Variants in CTNNA3 observed in about 807,000 individuals in gnomAD.
CTNNA3 encodes the protein catenin alpha 3.
CTNNA3 carries 76 observed loss-of-function variants against 95.7 expected under a neutral mutation model. That is an observed-to-expected ratio of 0.79 (90% CI 0.66 to 0.96). The LOEUF (loss-of-function observed/expected upper bound fraction) is 0.96. Ranked by LOEUF, CTNNA3 falls within the 40% of genes least tolerant of loss-of-function variation. The probability of loss-of-function intolerance (pLI) is 0.00; values close to 1 mark genes in which losing one functional copy is unlikely to be tolerated. For missense variants in CTNNA3, 1,191 were observed against 1,089.8 expected, an observed-to-expected ratio of 1.09 and a Z score of -1.31; for synonymous variants, 431 against 374.4, an observed-to-expected ratio of 1.15 and a Z score of -1.74.
intron 7 of CTNNA3, among the ~76,000 whole-genome samples, chr10:66,864,590 T>C (rs187653843): frequency 5.3e-5 from 8 of 152,290 alleles, no homozygotes; most frequent in African/African-American, 1.9e-4. Context: ...TTATATTTTG[T>C]AGGCTAACCT....
At chr10:66,051,962 T>C (rs1039506026) in intron 15 of CTNNA3, among the ~76,000 whole-genome samples, 1 of 152,204 alleles carries the variant, frequency 6.6e-6, no homozygotes, top group Non-Finnish European at 1.5e-5. Context: ...GGCCCCACAA[T>C]AATGAAATTG....
intron 5 of CTNNA3, among the ~76,000 whole-genome samples, chr10:67,229,009 TA>T (rs1163223195): frequency 6.6e-6 from 1 of 151,874 alleles, no homozygotes; most frequent in Non-Finnish European, 1.5e-5. Context: ...GGAAAGGACA[TA>T]AACAAAAAAG....
chr10:66,276,812 T>A (rs1002859769), intron 13 of CTNNA3, among the ~76,000 whole-genome samples: 4 of 149,262 alleles, frequency 2.7e-5, no homozygotes, highest in Non-Finnish European at 4.5e-5. Context: ...GCTATCTTCT[T>A]ATTATAGCCT....
intron 11 of CTNNA3, among the ~76,000 whole-genome samples, chr10:66,395,467 G>T (rs2092968389): frequency 6.6e-6 from 1 of 151,912 alleles, no homozygotes; most frequent in African/African-American, 2.4e-5. Flanking sequence ...TTTATCATAT[G>T]TAAATTGCTA....
chr10:67,537,240 G>A (rs1021877626), intron 4 of CTNNA3, among the ~76,000 whole-genome samples: 5 of 152,126 alleles, frequency 3.3e-5, no homozygotes, highest in Non-Finnish European at 5.9e-5. Flanking sequence ...TTTAAAAGCT[G>A]TTTGTAGTTA....
chr10:67,365,291 A>T (rs964452554), intron 5 of CTNNA3, among the ~76,000 whole-genome samples: 21 of 152,304 alleles, frequency 1.4e-4, no homozygotes, highest in African/African-American at 4.8e-4. Context: ...AACCTAGGCA[A>T]TACCATTCAG....
At chr10:66,329,557 A>G (rs1420365763) in intron 12 of CTNNA3, among the ~76,000 whole-genome samples, 3 of 135,382 alleles carry the variant, frequency 2.2e-5, no homozygotes, top group Non-Finnish European at 3.2e-5. Flanking sequence ...TAGAAACCCT[A>G]GGGCTTGAAC....
chr10:67,647,210 G>C (rs1243412254), intron 2 of CTNNA3, among the ~76,000 whole-genome samples: 1 of 147,610 alleles, frequency 6.8e-6, no homozygotes, highest in Non-Finnish European at 1.5e-5. Flanking sequence ...AGAGAATGTG[G>C]GGGAAACTTT....
At chr10:67,016,752 A>G (rs975651950) in intron 7 of CTNNA3, among the ~76,000 whole-genome samples, 2 of 152,162 alleles carry the variant, frequency 1.3e-5, no homozygotes, top group Non-Finnish European at 2.9e-5. Flanking sequence ...AATTTGTATC[A>G]TTGCAGTTGT....
Position 66,516,063 on chromosome 10 carries a change from G to GAAAA in CTNNA3, c.1531+4553_1531+4554insTTTT, listed in dbSNP as rs147730943. Reference sequence around the variant, plus strand: ...CTATTCAAACTATGATTAATTATCTGGAAAAAAAAAAAAAAAAGGTAACCC... The same window carrying GAAAA: ...CTATTCAAACTATGATTAATTATCTGAAAAGAAAAAAAAAAAAAAAAGGTAACCC... On this transcript the variant is annotated intron_variant, in intron 11 of 17. Transcript: ENST00000433211. 1.8e-3 allele frequency among the ~76,000 whole-genome samples: 218 copies of GAAAA among 123,906 alleles called. 13 individuals are homozygous for GAAAA. The highest frequency in any genetic ancestry group is 5.4e-3 in the South Asian group (19 of 3,520). 81.3% of individuals were successfully genotyped at this position (123,906 alleles called of 152,430 possible). A position where few individuals can be genotyped will look rare whatever the true frequency, so the allele number is the denominator to read the frequency against.
intron 13 of CTNNA3, among the ~76,000 whole-genome samples, chr10:66,165,480 C>T (rs553483097): frequency 6.6e-6 from 1 of 152,094 alleles, no homozygotes; most frequent in Non-Finnish European, 1.5e-5. Flanking sequence ...AAAATAAAAG[C>T]TGAAATTATA....
intron 7 of CTNNA3, among the ~76,000 whole-genome samples, chr10:67,080,702 G>A (rs1857002814): frequency 6.6e-6 from 1 of 152,070 alleles, no homozygotes; most frequent in African/African-American, 2.4e-5. Context: ...GAGGTCAGGA[G>A]ATCGAGACCA....
chr10:66,021,445 T>C (rs1318285833), intron 15 of CTNNA3, among the ~76,000 whole-genome samples: 1 of 151,614 alleles, frequency 6.6e-6, no homozygotes, highest in African/African-American at 2.4e-5. Flanking sequence ...ATTATTGCTG[T>C]CGGTACTTAT....
chr10:67,182,398 T>C (rs551647080), intron 6 of CTNNA3, among the ~76,000 whole-genome samples: 1 of 152,232 alleles, frequency 6.6e-6, no homozygotes, highest in South Asian at 2.1e-4. Flanking sequence ...TCTACAACCA[T>C]CTGATCTTTG....
At chr10:66,503,301 G>A (rs1347088297) in intron 11 of CTNNA3, among the ~76,000 whole-genome samples, 3 of 152,048 alleles carry the variant, frequency 2.0e-5, no homozygotes, top group African/African-American at 7.2e-5. Context: ...CACCTAGTAG[G>A]TGCTCACCAA....
Position 66,666,263 on chromosome 10 carries a change from C to T in CTNNA3, c.1282-44479G>A, listed in dbSNP as rs550484123. 2.5e-4 allele frequency among the ~76,000 whole-genome samples: 38 copies of T among 152,248 alleles called. No individual in the cohort carries two copies. In the South Asian group the frequency reaches 7.1e-3, roughly 28 times the overall value. ...TCTCCTTCAAGATTCAATTCATTTG[C>T]TGCCTGGTATTACGGAATTTCAGGA... On this transcript the variant is annotated intron_variant, in intron 9 of 17. Coordinates refer to ENST00000433211, the MANE Select transcript of CTNNA3 (RefSeq NM_013266.4).
intron 5 of CTNNA3, among the ~76,000 whole-genome samples, chr10:67,362,398 A>G (rs945064715): frequency 3.3e-5 from 5 of 152,224 alleles, no homozygotes; most frequent in Non-Finnish European, 4.4e-5. Context: ...AACCGAATTC[A>G]GCAGCACATC....
chr10:66,840,400 ACACACACACACC>A (rs1342377969), intron 7 of CTNNA3, among the ~76,000 whole-genome samples: 2 of 144,322 alleles, frequency 1.4e-5, no homozygotes, highest in Admixed American at 1.4e-4. Flanking sequence ...ACACACACAC[ACACACACACACC>A]CCTCGGTATA....
intron 3 of CTNNA3, among the ~76,000 whole-genome samples, chr10:67,542,675 C>G (rs954234361): frequency 3.9e-5 from 6 of 151,904 alleles, no homozygotes; most frequent in African/African-American, 1.5e-4. Flanking sequence ...CAGGCCTGTA[C>G]AAAGTACTAA....
Sources: allele counts gnomAD v4.1 joint callset (sites outside exome capture counted in the v4.1 genomes callset), GRCh38; gene constraint gnomAD v4.1.1; transcripts MANE v1.5; gene names NCBI Gene and HGNC (gene_info 2026-07-23, HGNC 2026-07-21).